CCDC172: variants seen among roughly 807,000 people sequenced by gnomAD.
CCDC172 encodes coiled-coil domain containing 172.
CCDC172 carries 30 observed loss-of-function variants against 38.0 expected under a neutral mutation model. The observed-to-expected ratio is 0.79, with a 90% confidence interval of 0.59 to 1.07. The LOEUF (loss-of-function observed/expected upper bound fraction) is 1.07. Ranked by LOEUF, CCDC172 falls within the 50% of genes least tolerant of loss-of-function variation. CCDC172 has a pLI of 0.00. For missense variants in CCDC172, 297 were observed against 290.1 expected (o/e 1.02, Z -0.17); for synonymous variants, 78 against 88.3 (o/e 0.88, Z 0.66).
At chr10:116,342,387 C>T in intron 5 of CCDC172, 186 bp downstream of exon 5, 1 of 441,756 alleles carries the variant, frequency 2.3e-6, no homozygotes, top group Non-Finnish European at 4.0e-6. Flanking sequence ...TTTAGAAGTA[C>T]ATGTGACATG....
intron 3 of CCDC172, among the ~76,000 whole-genome samples, chr10:116,332,574 T>G (rs1268516622): frequency 6.6e-6 from 1 of 152,148 alleles, no homozygotes; most frequent in Non-Finnish European, 1.5e-5. Context: ...ATTTTGTGGA[T>G]CTAGCACTAT....
chr10:116,370,723 C>T (rs1402987866), intron 7 of CCDC172, among the ~76,000 whole-genome samples: 1 of 150,936 alleles, frequency 6.6e-6, no homozygotes, highest in Non-Finnish European at 1.5e-5. Context: ...TATTTTTTTC[C>T]ATATAAACTT....
intron 5 of CCDC172, among the ~76,000 whole-genome samples, chr10:116,349,889 A>G (rs1844910555): frequency 6.6e-6 from 1 of 152,168 alleles, no homozygotes; most frequent in Admixed American, 6.6e-5. Flanking sequence ...ACAGTTTTAC[A>G]TAGATGTCCA....
intron 5 of CCDC172, among the ~76,000 whole-genome samples, chr10:116,344,311 C>A (rs1420914486): frequency 1.3e-5 from 2 of 152,278 alleles, no homozygotes; most frequent in Middle Eastern, 3.4e-3. Flanking sequence ...ATGGGATAAC[C>A]TATTACACAC....
At chr10:116,355,087 A>G (rs1204849563) in intron 5 of CCDC172, among the ~76,000 whole-genome samples, 3 of 152,228 alleles carry the variant, frequency 2.0e-5, no homozygotes, top group African/African-American at 7.2e-5. Context: ...AAAGTAGTGT[A>G]GCCTAAGCGT....
intron 7 of CCDC172, among the ~76,000 whole-genome samples, chr10:116,375,882 T>A (rs780623300): frequency 3.9e-5 from 6 of 152,138 alleles, no homozygotes; most frequent in Non-Finnish European, 7.4e-5. Flanking sequence ...AAACAGATGC[T>A]GGAGAGGATG....
chr10:116,326,015 T>C (rs1338216971), intron 3 of CCDC172, among the ~76,000 whole-genome samples: 1 of 152,190 alleles, frequency 6.6e-6, no homozygotes, highest in Non-Finnish European at 1.5e-5. Flanking sequence ...GGCAGATATG[T>C]GCAGTGCATA....
rs1334767642 is a variant in CCDC172 at position 116,357,906 on chromosome 10, T to A, written c.621T>A (p.Ser207Arg). The A allele has an allele frequency of 1.3e-6, 2 of 1,579,750 alleles. No homozygotes were observed. The highest frequency in any genetic ancestry group is 3.7e-5 in the Admixed American group (2 of 53,398). Residue 207 changes from serine (S) to arginine (R), a missense_variant, in exon 7 of 9, where the codon AGT becomes AGA. By Grantham distance (110) the Ser-to-Arg change is moderately radical. Transcript: ENST00000333254. ...KYLEAEKIKI[S>R]EKPQNDTECL... ...TAGAGGCAGAAAAAATAAAAATCAG[T>A]GAAAAGCCTCAAAATGATACAGAAT...
chr10:116,338,526 A>G (rs1443444443), intron 3 of CCDC172, among the ~76,000 whole-genome samples: 1 of 152,144 alleles, frequency 6.6e-6, no homozygotes, highest in Non-Finnish European at 1.5e-5. Flanking sequence ...AATTATGGAT[A>G]TGCCCTTTTT....
chr10:116,324,853 T>A, intron 1 of CCDC172, 94 bp from the exon 2 acceptor site: 1 of 637,166 alleles, frequency 1.6e-6, no homozygotes, highest in South Asian at 1.9e-5. Context: ...GGCGTCGGGC[T>A]CCATCTTCTT....
intron 7 of CCDC172, among the ~76,000 whole-genome samples, chr10:116,373,492 G>A (rs1268487625): frequency 2.0e-5 from 3 of 152,030 alleles, no homozygotes; most frequent in African/African-American, 7.2e-5. Flanking sequence ...TCCTATAAGT[G>A]TAGCAAGTGT....
intron 7 of CCDC172, among the ~76,000 whole-genome samples, chr10:116,365,720 G>C (rs1269744281): frequency 1.3e-5 from 2 of 152,064 alleles, no homozygotes; most frequent in African/African-American, 4.8e-5. Context: ...ATACATATGT[G>C]CTGCATAATG....
chr10:116,359,429 A>G (rs183802523), intron 7 of CCDC172, among the ~76,000 whole-genome samples: 10 of 152,278 alleles, frequency 6.6e-5, no homozygotes, highest in African/African-American at 1.2e-4. Flanking sequence ...TTAATGGAGT[A>G]GATGTTATTT....
At chr10:116,343,741 C>T (rs1844829467) in intron 5 of CCDC172, among the ~76,000 whole-genome samples, 2 of 152,098 alleles carry the variant, frequency 1.3e-5, no homozygotes, top group Non-Finnish European at 2.9e-5. Context: ...AAAGCCACAA[C>T]TACAAATTTC....
At chr10:116,360,862 G>A (rs915815423) in intron 7 of CCDC172, among the ~76,000 whole-genome samples, 2 of 152,106 alleles carry the variant, frequency 1.3e-5, no homozygotes, top group East Asian at 1.9e-4. Context: ...ACTGGGGTTT[G>A]ATATTAGCAA....
At chr10:116,366,257 C>T (rs1210052984) in intron 7 of CCDC172, among the ~76,000 whole-genome samples, 1 of 152,104 alleles carries the variant, frequency 6.6e-6, no homozygotes, top group African/African-American at 2.4e-5. Flanking sequence ...TTAGCTATGG[C>T]TTCTCTTTTA....
At chr10:116,349,705 G>T (rs972517350) in intron 5 of CCDC172, among the ~76,000 whole-genome samples, 2 of 152,104 alleles carry the variant, frequency 1.3e-5, no homozygotes, top group Non-Finnish European at 2.9e-5. Flanking sequence ...CACTTTTTGT[G>T]TATCAGGCAT....
intron 5 of CCDC172, among the ~76,000 whole-genome samples, chr10:116,350,221 A>G (rs1043177061): frequency 6.6e-6 from 1 of 152,228 alleles, no homozygotes; most frequent in African/African-American, 2.4e-5. Flanking sequence ...ACATTTGAAT[A>G]GGATTACTTT....
intron 7 of CCDC172, among the ~76,000 whole-genome samples, chr10:116,371,522 A>T (rs1845185287): frequency 1.3e-5 from 2 of 151,980 alleles, no homozygotes; most frequent in Non-Finnish European, 2.9e-5. Context: ...TATCTTGATC[A>T]GGTCTGCTAT....
Sources: allele counts gnomAD v4.1 joint callset (sites outside exome capture counted in the v4.1 genomes callset), GRCh38; gene constraint gnomAD v4.1.1; transcripts MANE v1.5; gene names NCBI Gene and HGNC (gene_info 2026-07-23, HGNC 2026-07-21).